The following KIRREL3 variants were observed in gnomAD, a reference collection of about 807,000 sequenced individuals.
The protein encoded by KIRREL3 is kirre like nephrin family adhesion molecule 3.
In KIRREL3, 36 loss-of-function variants were observed where a neutral mutation model predicts 89.7. The ratio of observed to expected loss-of-function variants is 0.40; its 90% CI spans 0.31 to 0.53. The LOEUF (loss-of-function observed/expected upper bound fraction) is 0.53. KIRREL3 is among the 20% of genes least tolerant of loss of function. The pLI, the probability that KIRREL3 is intolerant of heterozygous loss-of-function variation, is 0.49. For synonymous variants in KIRREL3, 445 were observed against 441.4 expected (o/e 1.01, Z -0.10); for missense variants, 864 against 1,056.6 (o/e 0.82, Z 2.53).
rs1013918383 is a variant in KIRREL3 at position 126,970,743 on chromosome 11, T to C, written c.55+29712A>G. On this transcript the variant is annotated intron_variant, in intron 1 of 16. Coordinates refer to ENST00000525144, the MANE Select transcript of KIRREL3 (RefSeq NM_032531.4). This position sits in a 1 kb window ranked among gnomAD's most constrained non-coding sequence, Gnocchi z 4.4. Reference sequence around the variant, plus strand: ...CCCTAGTTAAGTAAAATTTTGTGAATTAGTGAAGGAACTCCATTTAATTTA... The same window carrying C: ...CCCTAGTTAAGTAAAATTTTGTGAACTAGTGAAGGAACTCCATTTAATTTA... Among the ~76,000 whole-genome samples the C allele has an allele frequency of 6.6e-6, 1 of 152,226 alleles. No individual in the cohort carries two copies. The highest frequency in any genetic ancestry group is 1.5e-5 in the Non-Finnish European group (1 of 68,032).
At chr11:126,973,094 T>G (rs1949473791) in intron 1 of KIRREL3, among the ~76,000 whole-genome samples, 1 of 96,528 alleles carries the variant, frequency 1.0e-5, no homozygotes, top group Non-Finnish European at 2.2e-5. Flanking sequence ...AACTCTAAGT[T>G]TTGAGGAAAA....
At position 126,987,672 on chromosome 11, in the gene KIRREL3, A is replaced by G. The variant is rs943493694; in HGVS notation, c.55+12783T>C. ...GCCAAGGCTCTGTTGATATGACGGC[A>G]TGTCCCACTGAAGTAAAAAGAAGGC... On this transcript the variant is annotated intron_variant, in intron 1 of 16. Coordinates refer to ENST00000525144, the MANE Select transcript of KIRREL3 (RefSeq NM_032531.4). This position sits in a 1 kb window ranked among gnomAD's most constrained non-coding sequence, Gnocchi z 4.6. Among the ~76,000 whole-genome samples, 1 of 152,250 alleles carries G rather than the reference A, an allele frequency of 6.6e-6. No homozygotes were observed. Among genetic ancestry groups the G allele is most frequent in the African/African-American group, 2.4e-5 (1 of 41,472 alleles).
intron 7 of KIRREL3, among the ~76,000 whole-genome samples, chr11:126,452,795 CT>C (rs1956221749): frequency 6.6e-6 from 1 of 152,190 alleles, no homozygotes; most frequent in African/African-American, 2.4e-5. Context: ...CAAGCCAGGT[CT>C]TTTGGGGAGG....
At position 126,867,013 on chromosome 11, in the gene KIRREL3, GT is replaced by G. The variant is rs1322038837; in HGVS notation, c.55+133441del. ...CTCTGTCCTTGCGATAAGGCAGAGG[GT>G]CTAATTGAGCTGGTTAACACAAGCT... On this transcript the variant is annotated intron_variant, in intron 1 of 16. Coordinates refer to ENST00000525144, the MANE Select transcript of KIRREL3 (RefSeq NM_032531.4). The surrounding 1 kb of genome is among the most constrained non-coding windows in gnomAD (Gnocchi z 4.7). Among the ~76,000 whole-genome samples, 1 of 152,214 alleles carries G rather than the reference GT, an allele frequency of 6.6e-6. No homozygotes were observed. The highest frequency in any genetic ancestry group is 1.5e-5 in the Non-Finnish European group (1 of 68,038).
chr11:126,683,316 T>C lies in KIRREL3; in HGVS notation c.56-120404A>G, dbSNP rs1163247726. 2.6e-5 allele frequency among the ~76,000 whole-genome samples: 4 copies of C among 152,134 alleles called. No individual in the cohort carries two copies. Among genetic ancestry groups the C allele is most frequent in the Non-Finnish European group, 5.9e-5 (4 of 68,024 alleles). Reference sequence around the variant, plus strand: ...AAAGTAGAGTTGGGGTTGTGAAATATTAGAACGTGTGGATAGTCTGATGGT... The same window carrying C: ...AAAGTAGAGTTGGGGTTGTGAAATACTAGAACGTGTGGATAGTCTGATGGT... On this transcript the variant is annotated intron_variant, in intron 1 of 16. Transcript: ENST00000525144. This position sits in a 1 kb window ranked among gnomAD's most constrained non-coding sequence, Gnocchi z 5.2.
chr11:126,549,137 T>C (rs1268423198), intron 2 of KIRREL3: 1 of 152,206 alleles, frequency 6.6e-6, no homozygotes, highest in East Asian at 1.9e-4. Flanking sequence ...GCTCTATTTG[T>C]CCCACACTCG....
intron 1 of KIRREL3, among the ~76,000 whole-genome samples, chr11:126,712,436 T>A (rs567374407): frequency 7.9e-5 from 12 of 152,334 alleles, no homozygotes; most frequent in African/African-American, 2.6e-4. Flanking sequence ...AGGCCACGCC[T>A]CTTCAATCTG....
chr11:126,964,904 AT>A (rs1288021838), intron 1 of KIRREL3, among the ~76,000 whole-genome samples: 2 of 152,204 alleles, frequency 1.3e-5, no homozygotes, highest in African/African-American at 4.8e-5. Flanking sequence ...TGTGACATAG[AT>A]TAAGATACTA....
At chr11:126,582,167 C>T (rs1396366586) in intron 1 of KIRREL3, among the ~76,000 whole-genome samples, 1 of 152,178 alleles carries the variant, frequency 6.6e-6, no homozygotes, top group Non-Finnish European at 1.5e-5. Flanking sequence ...ATCGTGGAGC[C>T]TCTCTGGGCT....
intron 1 of KIRREL3, among the ~76,000 whole-genome samples, chr11:126,737,351 A>G (rs2134209992): frequency 6.6e-6 from 1 of 152,204 alleles, no homozygotes; most frequent in African/African-American, 2.4e-5. Context: ...GGCACAAGGC[A>G]CAGTGGGCAG....
rs1404797665 is a variant in KIRREL3, at chr11:126,686,752, G to A, written c.56-123840C>T. Among the ~76,000 whole-genome samples the A allele has an allele frequency of 6.6e-6, 1 of 152,020 alleles. No homozygotes were observed. Among genetic ancestry groups the A allele is most frequent in the Non-Finnish European group, 1.5e-5 (1 of 68,012 alleles). On this transcript the variant is annotated intron_variant, in intron 1 of 16. Coordinates refer to ENST00000525144, the MANE Select transcript of KIRREL3 (RefSeq NM_032531.4). This position sits in a 1 kb window ranked among gnomAD's most constrained non-coding sequence, Gnocchi z 4.7. The stretch of plus-strand genomic sequence containing the variant: ...CTGCTCCCACCCCTGGCTAATTTCT[G>A]TATTTTTAGTAGAGATGGGGCTTCG...
intron 1 of KIRREL3, among the ~76,000 whole-genome samples, chr11:126,720,511 A>T (rs1016872249): frequency 6.6e-6 from 1 of 152,364 alleles, no homozygotes; most frequent in Non-Finnish European, 1.5e-5. Flanking sequence ...GGGTGTATCT[A>T]AGGAAATAAA....
chr11:126,726,422 C>T (rs7934200), intron 1 of KIRREL3, among the ~76,000 whole-genome samples: 61,943 of 151,890 alleles, frequency 0.41, 13,844 homozygotes, highest in East Asian at 0.8. Context: ...GGCTGGAGGG[C>T]GGTGGCATGA....
intron 10 of KIRREL3, among the ~76,000 whole-genome samples, chr11:126,444,756 A>G (rs1238835932): frequency 3.9e-5 from 6 of 152,166 alleles, no homozygotes; most frequent in Admixed American, 3.3e-4. Context: ...CAAAGCTAAC[A>G]AACAAAAAGA....
chr11:126,901,501 G>C (rs1189811848), intron 1 of KIRREL3, among the ~76,000 whole-genome samples: 3 of 152,162 alleles, frequency 2.0e-5, no homozygotes, highest in Non-Finnish European at 4.4e-5. Flanking sequence ...AAGAGTCAGA[G>C]GGAGCACAGG....
chr11:126,887,273 G>A (rs912937276), intron 1 of KIRREL3, among the ~76,000 whole-genome samples: 2 of 152,290 alleles, frequency 1.3e-5, no homozygotes, highest in Non-Finnish European at 2.9e-5. Flanking sequence ...TGCAGCCCGT[G>A]AGTATTAGAG....
At chr11:126,828,597 G>A (rs1454606579) in intron 1 of KIRREL3, among the ~76,000 whole-genome samples, 1 of 152,126 alleles carries the variant, frequency 6.6e-6, no homozygotes, top group Non-Finnish European at 1.5e-5. Context: ...ACTCTGCTGG[G>A]TACAGATCTG....
intron 1 of KIRREL3, among the ~76,000 whole-genome samples, chr11:126,962,925 A>G (rs1316224860): frequency 1.3e-5 from 2 of 152,212 alleles, no homozygotes; most frequent in African/African-American, 4.8e-5. Flanking sequence ...CTTTTTAGCA[A>G]TAAAGATTTT....
chr11:126,673,457 T>A (rs1042931611), intron 1 of KIRREL3, among the ~76,000 whole-genome samples: 4 of 152,236 alleles, frequency 2.6e-5, no homozygotes, highest in East Asian at 1.9e-4. Context: ...AGTATTTTGA[T>A]AGCTTCTCCT....
Sources: gnomAD v4.1 joint callset for allele counts (sites outside exome capture counted in the v4.1 genomes callset) on GRCh38, gnomAD v4.1.1 for gene constraint, Gnocchi (gnomAD v3.1) non-coding constraint, MANE v1.5 for transcripts, NCBI Gene and HGNC (gene_info 2026-07-23, HGNC 2026-07-21) for gene names.